Variants in CNTNAP5 observed in about 807,000 individuals in gnomAD.
CNTNAP5 encodes the protein contactin-associated protein-like 5.
CNTNAP5 carries 72 observed loss-of-function variants against 150.2 expected under a neutral mutation model. The observed-to-expected ratio is 0.48, with a 90% confidence interval of 0.40 to 0.58. The LOEUF (loss-of-function observed/expected upper bound fraction) is 0.58, where lower values mean the gene tolerates loss of function less well. Among genes scored for constraint, CNTNAP5 ranks in the 20% least tolerant of loss-of-function variants. The pLI is 0.00. For synonymous variants in CNTNAP5, 672 were observed against 619.8 expected, an observed-to-expected ratio of 1.08 and a Z score of -1.25; for missense variants, 1,636 against 1,626.2, an observed-to-expected ratio of 1.01 and a Z score of -0.10.
intron 3 of CNTNAP5, among the ~76,000 whole-genome samples, chr2:124,355,009 C>T (rs1210076162): frequency 6.6e-6 from 1 of 151,574 alleles, no homozygotes; most frequent in Non-Finnish European, 1.5e-5. Context: ...TAAATCAGGT[C>T]CATGGTCTCC....
chr2:124,762,197 G>C (rs539413160), intron 14 of CNTNAP5, among the ~76,000 whole-genome samples: 1 of 152,162 alleles, frequency 6.6e-6, no homozygotes, highest in East Asian at 1.9e-4. Flanking sequence ...TATATCCTTT[G>C]AATGGCCTCT....
chr2:124,393,444 T>A (rs1037241315), intron 3 of CNTNAP5, among the ~76,000 whole-genome samples: 1 of 152,116 alleles, frequency 6.6e-6, no homozygotes, highest in Non-Finnish European at 1.5e-5. Context: ...AAGACTTAAC[T>A]GTAAGGCTTG....
intron 19 of CNTNAP5, among the ~76,000 whole-genome samples, chr2:124,836,939 T>C (rs1366663390): frequency 6.6e-6 from 1 of 152,068 alleles, no homozygotes; most frequent in Non-Finnish European, 1.5e-5. Flanking sequence ...CACCTATCTC[T>C]AAGGTCTTAA....
At chr2:124,751,771 C>A (rs188925868) in intron 14 of CNTNAP5, among the ~76,000 whole-genome samples, 8 of 152,328 alleles carry the variant, frequency 5.3e-5, no homozygotes, top group Admixed American at 3.9e-4. Context: ...CCTTGTATAG[C>A]ACGCAGTGGA....
At chr2:124,418,029 C>A (rs895776946) in intron 4 of CNTNAP5, among the ~76,000 whole-genome samples, 3 of 152,142 alleles carry the variant, frequency 2.0e-5, no homozygotes, top group African/African-American at 7.2e-5. Flanking sequence ...AAAATGCTTT[C>A]TCCTTGAAAT....
chr2:124,601,000 A>G (rs1573488886), intron 11 of CNTNAP5, among the ~76,000 whole-genome samples: 1 of 152,304 alleles, frequency 6.6e-6, no homozygotes, highest in South Asian at 2.1e-4. Flanking sequence ...TGAAGGTAAG[A>G]TAAATACAGG....
chr2:124,771,854 C>A (rs1443360471), intron 16 of CNTNAP5, among the ~76,000 whole-genome samples: 1 of 151,872 alleles, frequency 6.6e-6, no homozygotes, highest in Non-Finnish European at 1.5e-5. Context: ...ACCACCACTG[C>A]CAGTGCCATC....
intron 10 of CNTNAP5, among the ~76,000 whole-genome samples, chr2:124,562,742 C>T (rs957115567): frequency 1.1e-4 from 16 of 152,098 alleles, no homozygotes; most frequent in South Asian, 2.1e-4. Flanking sequence ...TTTCTAACTT[C>T]GTGTTGTCTT....
intron 1 of CNTNAP5, among the ~76,000 whole-genome samples, chr2:124,101,342 C>G (rs1216226331): frequency 1.3e-5 from 2 of 152,142 alleles, no homozygotes; most frequent in Non-Finnish European, 2.9e-5. Context: ...ACCTCAGACT[C>G]AAGCCCAGTC....
At position 124,773,094 on chromosome 2, in the gene CNTNAP5, C is replaced by G. The variant is rs1170170392; in HGVS notation, c.2752+77C>G. ...GTGACCATGCCCAAGAAAAAATTCT[C>G]TTTTATCTGAGATCTGGGATATGAT... On this transcript the variant is annotated intron_variant, in intron 17 of 23. Coordinates refer to ENST00000682447, the MANE Select transcript of CNTNAP5 (RefSeq NM_001367498.1). 1.0e-5 allele frequency: 11 copies of G among 1,096,612 alleles called. No homozygotes were observed. The South Asian group carries it at 1.0e-4, about 10-fold the overall frequency. The allele number at this position is 1,096,612 out of a possible 1,614,324, so 67.9% of individuals were successfully genotyped here.
rs60089583 is a variant in CNTNAP5 at position 124,384,558 on chromosome 2, C to T, written c.382-32885C>T. ...TTTTAACTCCCATTTGGAAAAGGCA[C>T]ATTACCTTCATTTTAAAGATAAGGA... On this transcript the variant is annotated intron_variant, in intron 3 of 23. Coordinates refer to ENST00000682447, the MANE Select transcript of CNTNAP5 (RefSeq NM_001367498.1). Among the ~76,000 whole-genome samples, 669 of 152,188 alleles carry T rather than the reference C, an allele frequency of 4.4e-3. 3 individuals are homozygous for T. Among genetic ancestry groups the T allele is most frequent in the African/African-American group, 0.015 (616 of 41,540 alleles).
At chr2:124,125,117 C>G (rs886204134) in intron 1 of CNTNAP5, among the ~76,000 whole-genome samples, 2 of 152,218 alleles carry the variant, frequency 1.3e-5, no homozygotes, top group South Asian at 4.1e-4. Context: ...CACAGACTGG[C>G]AAAATGGATA....
chr2:124,666,337 ATTT>A (rs1012057367), intron 13 of CNTNAP5, among the ~76,000 whole-genome samples: 21 of 152,226 alleles, frequency 1.4e-4, no homozygotes, highest in African/African-American at 4.6e-4. Flanking sequence ...AGAAAAAAAT[ATTT>A]AAGATAAGGA....
intron 12 of CNTNAP5, among the ~76,000 whole-genome samples, chr2:124,629,674 A>G (rs377095675): frequency 1.3e-5 from 2 of 151,852 alleles, no homozygotes; most frequent in East Asian, 3.9e-4. Context: ...GAGCAAACAA[A>G]CCCCAGAGCT....
chr2:124,155,222 C>T (rs973402106), intron 1 of CNTNAP5, among the ~76,000 whole-genome samples: 2 of 151,914 alleles, frequency 1.3e-5, no homozygotes, highest in African/African-American at 4.8e-5. Context: ...CCATTTTGTA[C>T]ATGACTGCTC....
chr2:124,582,390 C>G (rs12618039), intron 11 of CNTNAP5, among the ~76,000 whole-genome samples: 41,172 of 151,958 alleles, frequency 0.27, 6,743 homozygotes, highest in African/African-American at 0.46. Flanking sequence ...AATAGTTTCT[C>G]AAAAGAGATT....
intron 19 of CNTNAP5, among the ~76,000 whole-genome samples, chr2:124,840,274 C>T (rs967220414): frequency 1.3e-5 from 2 of 152,020 alleles, no homozygotes; most frequent in African/African-American, 4.8e-5. Context: ...AGGAAGACAA[C>T]TTTGCTGCTG....
At chr2:124,484,213 G>T (rs537163359) in intron 7 of CNTNAP5, among the ~76,000 whole-genome samples, 3 of 152,232 alleles carry the variant, frequency 2.0e-5, no homozygotes, top group Non-Finnish European at 2.9e-5. Context: ...GGATATGGTA[G>T]ATGCAAAAGC....
intron 2 of CNTNAP5, among the ~76,000 whole-genome samples, chr2:124,233,559 G>A (rs891197181): frequency 6.6e-6 from 1 of 152,006 alleles, no homozygotes; most frequent in South Asian, 2.1e-4. Flanking sequence ...AGTCAAGGAG[G>A]ATGGAATTAC....
Sources: allele counts gnomAD v4.1 joint callset (sites outside exome capture counted in the v4.1 genomes callset), GRCh38; gene constraint gnomAD v4.1.1; transcripts MANE v1.5; gene names NCBI Gene and HGNC (gene_info 2026-07-23, HGNC 2026-07-21).